Variants in RERE observed in about 807,000 individuals in gnomAD.
The protein encoded by RERE is arginine-glutamic acid dipeptide repeats protein.
A neutral mutation model predicts 146.1 loss-of-function variants in RERE; 40 were observed. The observed-to-expected ratio is 0.27, with a 90% CI of 0.21 to 0.36. The LOEUF is 0.36. Ranked by LOEUF, RERE falls within the 10% of genes least tolerant of loss-of-function variation. The pLI, the probability that RERE is intolerant of heterozygous loss-of-function variation, is 1.00. For missense variants in RERE, 1,933 were observed against 2,138.7 expected, an observed-to-expected ratio of 0.90 and a Z score of 1.90; for synonymous variants, 1,003 against 866.0, an observed-to-expected ratio of 1.16 and a Z score of -2.78.
intron 4 of RERE, among the ~76,000 whole-genome samples, chr1:8,569,476 G>C (rs1646193726): frequency 6.6e-6 from 1 of 152,150 alleles, no homozygotes; most frequent in East Asian, 1.9e-4. Context: ...TCAAAGAAAG[G>C]GTGGGGAATT....
intron 1 of RERE, among the ~76,000 whole-genome samples, chr1:8,761,567 C>T (rs972276389): frequency 6.6e-6 from 1 of 152,184 alleles, no homozygotes; most frequent in Admixed American, 6.5e-5. Context: ...CCAACTAATT[C>T]TACCTCTACA....
intron 11 of RERE, among the ~76,000 whole-genome samples, chr1:8,462,173 T>C (rs1644536059): frequency 6.6e-6 from 1 of 152,216 alleles, no homozygotes; most frequent in South Asian, 2.1e-4. Flanking sequence ...AATGCTGGAT[T>C]GAAGACACTC....
intron 12 of RERE, among the ~76,000 whole-genome samples, chr1:8,412,823 T>C (rs1557618835): frequency 6.6e-6 from 1 of 152,196 alleles, no homozygotes; most frequent in Non-Finnish European, 1.5e-5. Context: ...TTCTGTCTAT[T>C]ACACAAAGTC....
chr1:8,381,936 C>T (rs1028617284), intron 12 of RERE, among the ~76,000 whole-genome samples: 1 of 152,234 alleles, frequency 6.6e-6, no homozygotes, highest in Non-Finnish European at 1.5e-5. Context: ...GACACTTTGG[C>T]ACTAAAAGAA....
At chr1:8,805,793 C>T (rs1228399366) in intron 1 of RERE, 1 of 151,014 alleles carries the variant, frequency 6.6e-6, no homozygotes, top group Non-Finnish European at 1.5e-5. Flanking sequence ...CGCGGTTGCA[C>T]TCCAGCTTGG....
chr1:8,753,466 T>C (rs1296115588), intron 1 of RERE: 8 of 152,320 alleles, frequency 5.3e-5, no homozygotes, highest in South Asian at 2.1e-4. Flanking sequence ...TTGTCTTTCA[T>C]TGAAATTAAA....
chr1:8,571,997 A>C (rs942614359), intron 4 of RERE, among the ~76,000 whole-genome samples: 3 of 152,250 alleles, frequency 2.0e-5, no homozygotes, highest in African/African-American at 4.8e-5. Context: ...TCAAGCACCA[A>C]CAACAACATA....
intron 4 of RERE, among the ~76,000 whole-genome samples, chr1:8,566,140 T>C (rs902053640): frequency 6.6e-6 from 1 of 152,176 alleles, no homozygotes; most frequent in Non-Finnish European, 1.5e-5. Context: ...TTGGTGTATT[T>C]TAGTGTAGCG....
chr1:8,790,787 T>A (rs181937416), intron 1 of RERE, among the ~76,000 whole-genome samples: 1 of 152,230 alleles, frequency 6.6e-6, no homozygotes, highest in African/African-American at 2.4e-5. Context: ...GTTTTGGCCA[T>A]GTTGGCCAGG....
At chr1:8,566,792 A>AT (rs35714721) in intron 4 of RERE, among the ~76,000 whole-genome samples, 353 of 137,720 alleles carry the variant, frequency 2.6e-3, no homozygotes, top group Admixed American at 5.9e-3. Flanking sequence ...TGGAATAGTA[A>AT]TTTTTTTTTT....
chr1:8,398,263 T>C (rs1643124761), intron 12 of RERE, among the ~76,000 whole-genome samples: 1 of 152,128 alleles, frequency 6.6e-6, no homozygotes, highest in South Asian at 2.1e-4. Flanking sequence ...AGAAAAGCAG[T>C]AGGGAAGGGG....
chr1:8,511,006 A>C (rs886433838), intron 7 of RERE, among the ~76,000 whole-genome samples: 7 of 152,124 alleles, frequency 4.6e-5, no homozygotes, highest in African/African-American at 1.7e-4. Flanking sequence ...CCCCCACCTC[A>C]GCCTCCCAAA....
intron 8 of RERE, among the ~76,000 whole-genome samples, chr1:8,501,185 C>G (rs1262629602): frequency 6.7e-6 from 1 of 150,234 alleles, no homozygotes; most frequent in Non-Finnish European, 1.5e-5. Flanking sequence ...GCCCGGCCAG[C>G]CGCCCCGTCC....
intron 10 of RERE, among the ~76,000 whole-genome samples, chr1:8,472,540 G>C (rs527452333): frequency 6.6e-6 from 1 of 152,354 alleles, no homozygotes; most frequent in East Asian, 1.9e-4. Flanking sequence ...TGTAGCCACA[G>C]AAAAGCAATT....
At chr1:8,549,664 A>G (rs920083712) in intron 6 of RERE, among the ~76,000 whole-genome samples, 2 of 152,216 alleles carry the variant, frequency 1.3e-5, no homozygotes, top group African/African-American at 4.8e-5. Flanking sequence ...AGGTTAATTA[A>G]GCACAGGGGA....
At chr1:8,786,188 G>A in intron 1 of RERE, 1 of 688,030 alleles carries the variant, frequency 1.5e-6, no homozygotes, top group Non-Finnish European at 2.5e-6. Flanking sequence ...AATAATTGTG[G>A]TAAACACCTC....
intron 6 of RERE, 137 bp downstream of exon 6, chr1:8,556,338 A>T: frequency 1.7e-6 from 1 of 578,704 alleles, no homozygotes; most frequent in East Asian, 2.7e-5. Context: ...TCCAGAGCGG[A>T]CACTGGCATG....
At chr1:8,434,952 G>C (rs1349467108) in intron 11 of RERE, 1 of 152,194 alleles carries the variant, frequency 6.6e-6, no homozygotes, top group Non-Finnish European at 1.5e-5. Context: ...CTGCACGGTG[G>C]AGCCATTCCT....
intron 11 of RERE, among the ~76,000 whole-genome samples, chr1:8,446,292 C>T (rs1644318952): frequency 6.6e-6 from 1 of 152,124 alleles, no homozygotes; most frequent in South Asian, 2.1e-4. Flanking sequence ...CTGCCCTAAA[C>T]ATTTTTTCTT....
Sources: allele counts gnomAD v4.1 joint callset (sites outside exome capture counted in the v4.1 genomes callset), GRCh38; gene constraint gnomAD v4.1.1; transcripts MANE v1.5; gene names NCBI Gene and HGNC (gene_info 2026-07-23, HGNC 2026-07-21).